TLE4: variants seen among roughly 807,000 people sequenced by gnomAD.
TLE4 encodes TLE family member 4, transcriptional corepressor.
In TLE4, 8 loss-of-function variants were observed where a neutral mutation model predicts 92.8. That is an observed-to-expected ratio of 0.09 (90% CI 0.05 to 0.16). TLE4 has a LOEUF of 0.16. Ranked by LOEUF, TLE4 falls within the 10% of genes least tolerant of loss-of-function variation. TLE4 has a pLI of 1.00. For synonymous variants in TLE4, 371 were observed against 374.1 expected, an observed-to-expected ratio of 0.99 and a Z score of 0.10; for missense variants, 675 against 997.6, an observed-to-expected ratio of 0.68 and a Z score of 4.36.
At chr9:79,688,407 T>C (rs2066344152) in intron 8 of TLE4, among the ~76,000 whole-genome samples, 1 of 152,144 alleles carries the variant, frequency 6.6e-6, no homozygotes, top group Non-Finnish European at 1.5e-5. Flanking sequence ...TTGCTTTATG[T>C]GGCGTTCTTG....
At chr9:79,661,715 T>A (rs1564726499) in intron 8 of TLE4, among the ~76,000 whole-genome samples, 1 of 152,260 alleles carries the variant, frequency 6.6e-6, no homozygotes, top group Non-Finnish European at 1.5e-5. Context: ...GTTGTTTTTC[T>A]TTGAATCTAA....
At position 79,722,972 on chromosome 9, in the gene TLE4, A is replaced by G; in HGVS notation, c.2151A>G (p.Val717=). 1 of 1,614,216 alleles carries G rather than the reference A, an allele frequency of 6.2e-7. No individual in the cohort carries two copies. The highest frequency in any genetic ancestry group is 1.1e-5 in the South Asian group (1 of 91,090). Residue 717 remains valine (V), a synonymous_variant, in exon 19 of 20, where the codon GTA becomes GTG. Transcript: ENST00000376552. ...CTTTACCTATAGGCAAATGGTTTGT[A>G]AGCACTGGAAAGGACAACCTTCTGA... ...LKFAHCGKWF[V]STGKDNLLNA...
At chr9:79,649,509 G>A (rs2058609791) in intron 6 of TLE4, 1 of 181,690 alleles carries the variant, frequency 5.5e-6, no homozygotes, top group South Asian at 1.1e-4. Context: ...ACAAAATGTT[G>A]GACAAAATCA....
At chr9:79,623,554 TTTGTA>T in intron 5 of TLE4, among the ~76,000 whole-genome samples, 1 of 152,186 alleles carries the variant, frequency 6.6e-6, no homozygotes, top group Non-Finnish European at 1.5e-5. Context: ...TGCAACCATG[TTTGTA>T]TTGCTTAAAT....
Position 79,674,924 on chromosome 9 carries a change from C to T in TLE4, c.609+20849C>T, listed in dbSNP as rs141063668. Among the ~76,000 whole-genome samples the T allele has an allele frequency of 9.9e-4, 150 of 152,272 alleles. 2 individuals carry two copies. The East Asian group carries it at 0.025, about 25-fold the overall frequency. ...TCTGACAAAGATTTTAACTTGTAGC[C>T]TCATCAGTTTGCTGGAGGTTAATAG... On this transcript the variant is annotated intron_variant, in intron 8 of 19. Transcript: ENST00000376552.
intron 4 of TLE4, among the ~76,000 whole-genome samples, chr9:79,592,225 T>C (rs867016199): frequency 8.1e-6 from 1 of 122,958 alleles, no homozygotes; most frequent in Non-Finnish European, 1.7e-5. Context: ...CCTCTTCTTC[T>C]TCTTCTTCTT....
At chr9:79,671,308 C>G (rs1268717801) in intron 8 of TLE4, 7 of 455,744 alleles carry the variant, frequency 1.5e-5, no homozygotes, top group Middle Eastern at 6.5e-4. Flanking sequence ...AAGACATTCA[C>G]CTGCCATGCT....
chr9:79,667,530 C>T (rs10867407), intron 8 of TLE4, among the ~76,000 whole-genome samples: 79,645 of 151,918 alleles, frequency 0.52, 23,471 homozygotes, highest in East Asian at 0.7. Flanking sequence ...GTATATAAAA[C>T]ATTAAAGATA....
chr9:79,580,030 A>G (rs1241324637), intron 4 of TLE4: 2 of 152,220 alleles, frequency 1.3e-5, no homozygotes, highest in Non-Finnish European at 2.9e-5. Flanking sequence ...CTGACTTACA[A>G]GGAACAGCTC....
intron 4 of TLE4, among the ~76,000 whole-genome samples, chr9:79,602,898 G>A (rs539205380): frequency 1.3e-5 from 2 of 152,204 alleles, no homozygotes; most frequent in African/African-American, 4.8e-5. Context: ...GAACATTTGT[G>A]GTTCATGGGA....
intron 8 of TLE4, among the ~76,000 whole-genome samples, chr9:79,695,570 C>T (rs939467253): frequency 5.9e-5 from 9 of 152,122 alleles, no homozygotes; most frequent in African/African-American, 7.2e-5. Context: ...ATTAAAACAC[C>T]GAAGTACTGG....
chr9:79,576,773 T>A (rs555688945), intron 4 of TLE4: 2 of 151,626 alleles, frequency 1.3e-5, no homozygotes, highest in African/African-American at 4.9e-5. Context: ...AGGTTCAACA[T>A]TGGGTCTTGA....
chr9:79,600,319 T>C (rs985756389), intron 4 of TLE4, among the ~76,000 whole-genome samples: 6 of 152,156 alleles, frequency 3.9e-5, no homozygotes, highest in Non-Finnish European at 8.8e-5. Context: ...AAAATGCTGT[T>C]ATTTTTCTGA....
intron 5 of TLE4, among the ~76,000 whole-genome samples, chr9:79,624,650 G>A (rs2052011601): frequency 6.6e-6 from 1 of 152,130 alleles, no homozygotes; most frequent in Non-Finnish European, 1.5e-5. Context: ...TGCGTTTCCG[G>A]TTTTCTGAAA....
At chr9:79,629,154 C>T (rs2053527129) in intron 6 of TLE4, among the ~76,000 whole-genome samples, 1 of 152,086 alleles carries the variant, frequency 6.6e-6, no homozygotes, top group Admixed American at 6.5e-5. Flanking sequence ...GATAGCCCTC[C>T]TGCCTTATGT....
intron 6 of TLE4, among the ~76,000 whole-genome samples, chr9:79,646,046 CTTTGT>C (rs951463342): frequency 4.0e-5 from 6 of 151,426 alleles, no homozygotes; most frequent in African/African-American, 1.5e-4. Flanking sequence ...TTGGCTTGAT[CTTTGT>C]TTTGTTTTTC....
chr9:79,621,222 G>A (rs2050883042), intron 5 of TLE4, among the ~76,000 whole-genome samples: 1 of 152,250 alleles, frequency 6.6e-6, no homozygotes, highest in South Asian at 2.1e-4. Flanking sequence ...TCCTGACTTA[G>A]CAGACATGGA....
intron 6 of TLE4, among the ~76,000 whole-genome samples, chr9:79,651,590 T>G (rs1181965695): frequency 6.6e-6 from 1 of 152,194 alleles, no homozygotes; most frequent in Non-Finnish European, 1.5e-5. Flanking sequence ...GGCCTCTAGC[T>G]TTTCATTCGA....
chr9:79,678,990 A>G (rs2063854765), intron 8 of TLE4, among the ~76,000 whole-genome samples: 1 of 152,064 alleles, frequency 6.6e-6, no homozygotes. Context: ...CATGATGTAT[A>G]TGTGCCACAT....
Sources: gnomAD v4.1 joint callset for allele counts (sites outside exome capture counted in the v4.1 genomes callset) on GRCh38, gnomAD v4.1.1 for gene constraint, MANE v1.5 for transcripts, NCBI Gene and HGNC (gene_info 2026-07-23, HGNC 2026-07-21) for gene names.